Variants in YBEY observed in about 807,000 individuals in gnomAD.
The protein encoded by YBEY is endoribonuclease YbeY.
Under a neutral mutation model 13.5 loss-of-function variants are expected in YBEY, and 15 were observed. The ratio of observed to expected loss-of-function variants is 1.11; its 90% CI spans 0.75 to 1.72. The LOEUF is 1.72. Among genes scored for constraint, YBEY ranks in the 40% most tolerant of loss-of-function variants. YBEY has a pLI of 0.00. For synonymous variants in YBEY, 101 were observed against 83.1 expected, an observed-to-expected ratio of 1.21 and a Z score of -1.17; for missense variants, 244 against 208.4, an observed-to-expected ratio of 1.17 and a Z score of -1.05.
chr21:46,290,605 T>C (rs62226489), intron 2 of YBEY, among the ~76,000 whole-genome samples: 61,401 of 151,480 alleles, frequency 0.41, 12,923 homozygotes, highest in Admixed American at 0.48. Context: ...GCCTGAGACA[T>C]GCATCTTAAG....
downstream of YBEY, chr21:46,302,504 G>A: frequency 6.2e-7 from 1 of 1,611,476 alleles, no homozygotes. Flanking sequence ...TGGGGGCAGG[G>A]CCTTGAGCAT....
Position 46,291,424 on chromosome 21 carries a change from C to G in YBEY, c.301C>G (p.Gln101Glu), listed in dbSNP as rs751167604. Residue 101 changes from glutamine to glutamate, a missense_variant, in exon 3 of 5, where the codon CAG becomes GAG. By Grantham distance (29) the Gln-to-Glu change is conservative. Transcript: ENST00000397701. ...IFLGVEYIFH[Q>E]CKENEDYNDV... is the part of the protein sequence containing the mutation. ...CCTAGGAGTGGAGTATATCTTCCATCAGTGTAAAGAAAATGAAGATTACAA... is the reference window on the plus strand; with the variant it reads ...CCTAGGAGTGGAGTATATCTTCCATGAGTGTAAAGAAAATGAAGATTACAA... 9 of 1,613,926 alleles carry G rather than the reference C, an allele frequency of 5.6e-6. No homozygotes were observed. The highest frequency in any genetic ancestry group is 3.3e-5 in the South Asian group (3 of 91,062).
At chr21:46,301,917 T>G, downstream of YBEY, 1 of 1,388,624 alleles carries the variant, frequency 7.2e-7, no homozygotes, top group Non-Finnish European at 9.3e-7. Flanking sequence ...CCCTGCTCCC[T>G]TCCATAGTCC....
Position 46,296,125 on chromosome 21 carries a change from G to A in YBEY, c.340-37G>A, listed in dbSNP as rs1272328560. 3.7e-6 allele frequency: 6 copies of A among 1,612,674 alleles called. No homozygotes were observed. The Admixed American group carries it at 8.3e-5, about 22-fold the overall frequency. On this transcript the variant is annotated intron_variant, in intron 3 of 4. Transcript: ENST00000397701. Reference sequence around the variant, plus strand: ...GCCCTGAAGGGGCAGGTTCCTGTGGGGTCATCCTCTGAGCCGGTTTAAAAT... The same window carrying A: ...GCCCTGAAGGGGCAGGTTCCTGTGGAGTCATCCTCTGAGCCGGTTTAAAAT...
downstream of YBEY, chr21:46,301,677 AG>A: frequency 8.8e-7 from 1 of 1,136,964 alleles, no homozygotes. Context: ...GTGATGGAAG[AG>A]GGGGATCTGA....
chr21:46,294,876 G>T (rs2081898533), intron 3 of YBEY, among the ~76,000 whole-genome samples: 3 of 152,170 alleles, frequency 2.0e-5, no homozygotes, highest in African/African-American at 7.2e-5. Context: ...GGATCCAAGT[G>T]CATCTGTGTG....
At chr21:46,295,158 C>T (rs1381633232) in intron 3 of YBEY, among the ~76,000 whole-genome samples, 1 of 152,134 alleles carries the variant, frequency 6.6e-6, no homozygotes, top group Non-Finnish European at 1.5e-5. Context: ...TGGTCTTCCC[C>T]TGGCATTTCT....
intron 2 of YBEY, among the ~76,000 whole-genome samples, 197 bp from the exon 3 acceptor site, chr21:46,291,137 C>G (rs2081686376): frequency 7.0e-6 from 1 of 143,482 alleles, no homozygotes; most frequent in Non-Finnish European, 1.5e-5. Context: ...GCAGAGGTTG[C>G]AGTGAGCCGA....
At chr21:46,312,882 C>G in the YBEY span, 1 of 494,596 alleles carries the variant, frequency 2.0e-6, no homozygotes, top group Non-Finnish European at 2.6e-6. Context: ...TGTCCTCCAT[C>G]ATATACTGTA....
chr21:46,295,069 T>A (rs572238796), intron 3 of YBEY, among the ~76,000 whole-genome samples: 10 of 152,254 alleles, frequency 6.6e-5, no homozygotes, highest in African/African-American at 1.9e-4. Flanking sequence ...AGCCCTGGGA[T>A]CTCTGTGGCC....
chr21:46,307,187 C>T, the YBEY span, among the ~76,000 whole-genome samples: 7 of 150,906 alleles, frequency 4.6e-5, no homozygotes, highest in South Asian at 2.1e-4. Context: ...TGAGCCGCTG[C>T]GCCCAGCCAA....
the YBEY span, among the ~76,000 whole-genome samples, chr21:46,305,783 CA>C: frequency 5.3e-5 from 8 of 150,210 alleles, no homozygotes; most frequent in South Asian, 1.5e-3. Flanking sequence ...ACTAAAAATA[CA>C]AAAAAAAATT....
downstream of YBEY, among the ~76,000 whole-genome samples, chr21:46,298,330 A>G (rs962174527): frequency 2.6e-5 from 4 of 151,976 alleles, no homozygotes; most frequent in African/African-American, 9.7e-5. Context: ...AAGTCGCTGC[A>G]CCACCGCGCC....
chr21:46,290,869 A>T (rs1482964513), intron 2 of YBEY, among the ~76,000 whole-genome samples: 5 of 151,890 alleles, frequency 3.3e-5, no homozygotes, highest in African/African-American at 1.2e-4. Context: ...AACACGGAGA[A>T]ACCCAGTCTC....
intron 3 of YBEY, among the ~76,000 whole-genome samples, chr21:46,295,113 G>A (rs1174584322): frequency 1.3e-5 from 2 of 152,248 alleles, no homozygotes; most frequent in African/African-American, 4.8e-5. Context: ...GTGGACATCT[G>A]CTTCCATTTT....
chr21:46,298,908 G>C (rs2082038980), downstream of YBEY, among the ~76,000 whole-genome samples: 1 of 151,794 alleles, frequency 6.6e-6, no homozygotes, highest in Non-Finnish European at 1.5e-5. Flanking sequence ...TTTCTGTAGA[G>C]ACAGGGTTTC....
At chr21:46,300,609 T>C (rs1045906216), downstream of YBEY, 2 of 1,167,296 alleles carry the variant, frequency 1.7e-6, no homozygotes, top group East Asian at 1.2e-4. Context: ...TGCCAGTAGC[T>C]GCGCTGGGCC....
downstream of YBEY, among the ~76,000 whole-genome samples, chr21:46,298,568 T>A (rs185611885): frequency 2.6e-5 from 4 of 151,632 alleles, no homozygotes; most frequent in East Asian, 7.8e-4. Flanking sequence ...TAGCTGGGAC[T>A]ACAGGCGCCC....
downstream of YBEY, chr21:46,301,966 G>T: frequency 6.7e-7 from 1 of 1,484,966 alleles, no homozygotes. Flanking sequence ...TGGGGGTGGA[G>T]GGTGCCCCGG....
Sources: gnomAD v4.1 joint callset for allele counts (sites outside exome capture counted in the v4.1 genomes callset) on GRCh38, gnomAD v4.1.1 for gene constraint, MANE v1.5 for transcripts, NCBI Gene and HGNC (gene_info 2026-07-23, HGNC 2026-07-21) for gene names.